PDE4B: variants seen among roughly 807,000 people sequenced by gnomAD.
The protein encoded by PDE4B is phosphodiesterase 4B.
A neutral mutation model predicts 82.2 loss-of-function variants in PDE4B; 20 were observed. The observed-to-expected ratio is 0.24, with a 90% confidence interval of 0.17 to 0.35. The LOEUF (loss-of-function observed/expected upper bound fraction) is 0.35, where lower values mean the gene tolerates loss of function less well. Among genes scored for constraint, PDE4B ranks in the 10% least tolerant of loss-of-function variants. The pLI, the probability that PDE4B is intolerant of heterozygous loss-of-function variation, is 1.00. For synonymous variants in PDE4B, 320 were observed against 318.9 expected, an observed-to-expected ratio of 1.00 and a Z score of -0.04; for missense variants, 655 against 907.2, an observed-to-expected ratio of 0.72 and a Z score of 3.57.
At chr1:65,817,402 A>G (rs1380213912) in intron 1 of PDE4B, among the ~76,000 whole-genome samples, 1 of 152,222 alleles carries the variant, frequency 6.6e-6, no homozygotes, top group Non-Finnish European at 1.5e-5. Context: ...AGCCTTAAGT[A>G]TCAAAGCAAG....
chr1:65,804,234 A>G (rs1167052097), intron 1 of PDE4B, among the ~76,000 whole-genome samples: 2 of 152,182 alleles, frequency 1.3e-5, no homozygotes, highest in Non-Finnish European at 2.9e-5. Flanking sequence ...TGATCTGGAA[A>G]TAAGTACAAG....
At chr1:65,935,072 G>A (rs1172571013) in intron 3 of PDE4B, among the ~76,000 whole-genome samples, 1 of 152,082 alleles carries the variant, frequency 6.6e-6, no homozygotes, top group Admixed American at 6.5e-5. Flanking sequence ...CTTCTCAGGT[G>A]TACATGAAAC....
At chr1:65,820,095 A>T (rs1300954706) in intron 1 of PDE4B, among the ~76,000 whole-genome samples, 1 of 152,236 alleles carries the variant, frequency 6.6e-6, no homozygotes, top group African/African-American at 2.4e-5. Context: ...AGATAGAAGT[A>T]ATAGCAACAG....
At chr1:65,992,206 C>CT (rs1183988901) in intron 3 of PDE4B, among the ~76,000 whole-genome samples, 2 of 152,086 alleles carry the variant, frequency 1.3e-5, no homozygotes, top group Admixed American at 6.6e-5. Context: ...TTTTAGCTAG[C>CT]TTTTTTTGAC....
At chr1:65,905,986 T>C (rs1435228653) in intron 1 of PDE4B, among the ~76,000 whole-genome samples, 1 of 152,156 alleles carries the variant, frequency 6.6e-6, no homozygotes, top group Non-Finnish European at 1.5e-5. Flanking sequence ...TTGTTGATGT[T>C]GTTGTTGAGA....
At chr1:66,046,632 G>A (rs1424652681) in intron 3 of PDE4B, among the ~76,000 whole-genome samples, 2 of 151,792 alleles carry the variant, frequency 1.3e-5, no homozygotes, top group Admixed American at 6.6e-5. Flanking sequence ...TTTCTTATCT[G>A]CGTAAAATAT....
intron 8 of PDE4B, among the ~76,000 whole-genome samples, chr1:66,339,623 C>T (rs1378328456): frequency 6.6e-6 from 1 of 152,120 alleles, no homozygotes; most frequent in Non-Finnish European, 1.5e-5. Flanking sequence ...GCATAATAGT[C>T]TCAAAATCTG....
Position 65,810,862 on chromosome 1 carries a change from T to G in PDE4B, c.-71+17614T>G, listed in dbSNP as rs112529139. ...TTCATGCAAATATAGTGAGTTAATG[T>G]GGAGGATCTACTACTAAATGCCTTT... On this transcript the variant is annotated intron_variant, in intron 1 of 16. Transcript: ENST00000341517. Among the ~76,000 whole-genome samples the G allele has an allele frequency of 9.3e-3, 1,424 of 152,320 alleles. 19 individuals are homozygous for G. Among genetic ancestry groups the G allele is most frequent in the African/African-American group, 0.032 (1,325 of 41,562 alleles).
intron 1 of PDE4B, among the ~76,000 whole-genome samples, chr1:65,829,224 G>A (rs1286083467): frequency 1.3e-5 from 2 of 152,114 alleles, no homozygotes; most frequent in Admixed American, 6.5e-5. Flanking sequence ...GACAAACAGA[G>A]GCATTGCCTA....
chr1:65,924,379 T>A (rs1407075476), intron 3 of PDE4B, among the ~76,000 whole-genome samples: 2 of 151,462 alleles, frequency 1.3e-5, no homozygotes, highest in East Asian at 3.9e-4. Context: ...CGGCCGCTAA[T>A]TTTTTTTTCA....
intron 3 of PDE4B, among the ~76,000 whole-genome samples, chr1:66,022,792 G>T (rs1401285414): frequency 6.6e-6 from 1 of 152,148 alleles, no homozygotes; most frequent in African/African-American, 2.4e-5. Flanking sequence ...GTCTCTGCCA[G>T]GCTTTGGTAT....
chr1:65,933,280 G>T (rs1647937737), intron 3 of PDE4B, among the ~76,000 whole-genome samples: 1 of 152,022 alleles, frequency 6.6e-6, no homozygotes, highest in Non-Finnish European at 1.5e-5. Flanking sequence ...AACCTTGCAG[G>T]CCAGAAGGGA....
At chr1:66,197,516 T>TG (rs1420449403) in intron 3 of PDE4B, among the ~76,000 whole-genome samples, 1 of 152,154 alleles carries the variant, frequency 6.6e-6, no homozygotes, top group African/African-American at 2.4e-5. Flanking sequence ...TCAGGAATGT[T>TG]GTTTCTCACA....
intron 3 of PDE4B, among the ~76,000 whole-genome samples, chr1:66,122,296 G>C (rs1166130712): frequency 6.6e-6 from 1 of 152,172 alleles, no homozygotes; most frequent in Non-Finnish European, 1.5e-5. Flanking sequence ...CTCAGTAAGT[G>C]TTGTCTATTT....
In PDE4B at chr1:65,926,867, A is replaced by G. The variant is rs368975423; in HGVS notation, c.281+8032A>G. Among the ~76,000 whole-genome samples, 3 of 152,292 alleles carry G rather than the reference A, an allele frequency of 2.0e-5. No homozygotes were observed. The East Asian group carries it at 5.8e-4, about 29-fold the overall frequency. On this transcript the variant is annotated intron_variant, in intron 3 of 16. Coordinates refer to ENST00000341517, the MANE Select transcript of PDE4B (RefSeq NM_002600.4). ...ACAAAGAAAAATCTCTAAAGAAATC[A>G]AATAATAAAAACAGACATATAGAGG...
At chr1:66,328,299 C>A (rs1327475188) in intron 7 of PDE4B, among the ~76,000 whole-genome samples, 1 of 152,140 alleles carries the variant, frequency 6.6e-6, no homozygotes, top group East Asian at 1.9e-4. Flanking sequence ...TACTTCTTCC[C>A]TCTGGAAGTT....
intron 3 of PDE4B, among the ~76,000 whole-genome samples, chr1:66,148,625 C>G (rs1335331342): frequency 1.3e-5 from 2 of 152,078 alleles, no homozygotes; most frequent in Non-Finnish European, 2.9e-5. Context: ...CCTAAGAAAC[C>G]CTTTATTAAC....
intron 3 of PDE4B, among the ~76,000 whole-genome samples, chr1:66,151,285 C>T (rs530301918): frequency 6.0e-4 from 91 of 152,300 alleles, no homozygotes; most frequent in Admixed American, 1.5e-3. Flanking sequence ...GCTGAAGTGA[C>T]TCCCCATTGC....
At chr1:66,161,803 G>A (rs1646618272) in intron 3 of PDE4B, among the ~76,000 whole-genome samples, 1 of 152,038 alleles carries the variant, frequency 6.6e-6, no homozygotes, top group Non-Finnish European at 1.5e-5. Flanking sequence ...TTACCCCATT[G>A]ATACTCTACT....
Sources: gnomAD v4.1 joint callset for allele counts (sites outside exome capture counted in the v4.1 genomes callset) on GRCh38, gnomAD v4.1.1 for gene constraint, MANE v1.5 for transcripts, NCBI Gene and HGNC (gene_info 2026-07-23, HGNC 2026-07-21) for gene names.